Variants in ULK4 observed in about 807,000 individuals in gnomAD.
The protein encoded by ULK4 is unc-51 like kinase 4, also known as inactive serine/threonine-protein kinase ULK4.
In ULK4, 133 loss-of-function variants were observed where a neutral mutation model predicts 160.6. The ratio of observed to expected loss-of-function variants is 0.83; its 90% CI spans 0.72 to 0.96. The LOEUF (loss-of-function observed/expected upper bound fraction) is 0.96. ULK4 is among the 40% of genes least tolerant of loss of function. The pLI, the probability that ULK4 is intolerant of heterozygous loss-of-function variation, is 0.00. For missense variants in ULK4, 1,580 were observed against 1,499.5 expected (o/e 1.05, Z -0.89); for synonymous variants, 534 against 539.8 (o/e 0.99, Z 0.15).
chr3:41,796,713 A>T (rs2040310261), intron 20 of ULK4, among the ~76,000 whole-genome samples: 1 of 152,204 alleles, frequency 6.6e-6, no homozygotes. Flanking sequence ...TAAAATATAA[A>T]TGTCTATGCA....
intron 23 of ULK4, among the ~76,000 whole-genome samples, chr3:41,716,430 G>T (rs1244853769): frequency 1.3e-5 from 2 of 151,974 alleles, no homozygotes. Flanking sequence ...GATAAGTCCG[G>T]TAATAAAGAA....
intron 6 of ULK4, 134 bp downstream of exon 6, chr3:41,919,583 C>T: frequency 1.5e-6 from 1 of 684,154 alleles, no homozygotes; most frequent in Non-Finnish European, 2.5e-6. Flanking sequence ...GACTGGGTGA[C>T]AGTACGAGAC....
intron 34 of ULK4, among the ~76,000 whole-genome samples, chr3:41,449,269 C>T (rs2083373026): frequency 6.6e-6 from 1 of 151,994 alleles, no homozygotes; most frequent in African/African-American, 2.4e-5. Context: ...CACTATGTTG[C>T]CCAGGCTGGT....
Position 41,367,898 on chromosome 3 carries a change from CAT to C in ULK4, c.3678+30179_3678+30180del, listed in dbSNP as rs1399681204. On this transcript the variant is annotated intron_variant, in intron 35 of 36. Transcript: ENST00000301831. Reference sequence around the variant, plus strand: ...GTATGCAGGTATACACATATGCATACATATATGTCATGTGTGTGCCAAGAAAA... The same window carrying C: ...GTATGCAGGTATACACATATGCATACATATGTCATGTGTGTGCCAAGAAAA... 2.0e-5 allele frequency among the ~76,000 whole-genome samples: 3 copies of C among 152,180 alleles called. No individual in the cohort carries two copies. In the East Asian group the frequency reaches 5.8e-4, roughly 29 times the overall value.
At chr3:41,836,044 G>T in intron 17 of ULK4, 73 bp from the exon 18 acceptor site, 2 of 1,029,250 alleles carry the variant, frequency 1.9e-6, no homozygotes, top group Non-Finnish European at 1.5e-6. Flanking sequence ...TATGTAAAAA[G>T]CAGGATACCC....
chr3:41,492,335 T>C (rs1264806505), intron 32 of ULK4, among the ~76,000 whole-genome samples: 1 of 152,122 alleles, frequency 6.6e-6, no homozygotes, highest in African/African-American at 2.4e-5. Flanking sequence ...TGAACTAGTT[T>C]ACAGTCCCGC....
chr3:41,534,630 C>A (rs1009990071), intron 32 of ULK4, among the ~76,000 whole-genome samples: 8 of 151,802 alleles, frequency 5.3e-5, no homozygotes, highest in African/African-American at 1.9e-4. Context: ...ACTGAGGCAA[C>A]AGACACTGAA....
At chr3:41,596,719 T>A (rs1476867961) in intron 31 of ULK4, among the ~76,000 whole-genome samples, 5 of 152,028 alleles carry the variant, frequency 3.3e-5, no homozygotes, top group Non-Finnish European at 5.9e-5. Flanking sequence ...AATGTGTGCA[T>A]GAGGTGTGCG....
intron 22 of ULK4, among the ~76,000 whole-genome samples, chr3:41,724,868 T>C (rs1480882642): frequency 3.3e-5 from 5 of 152,228 alleles, no homozygotes; most frequent in African/African-American, 1.2e-4. Flanking sequence ...CTAATTAGGT[T>C]AAGCATCTTT....
intron 35 of ULK4, among the ~76,000 whole-genome samples, chr3:41,318,746 G>A (rs531223804): frequency 6.6e-6 from 1 of 152,322 alleles, no homozygotes; most frequent in South Asian, 2.1e-4. Context: ...TGTGGTCTGT[G>A]AGGTCAGAGC....
At chr3:41,622,439 G>C (rs1337264278) in intron 30 of ULK4, among the ~76,000 whole-genome samples, 2 of 152,126 alleles carry the variant, frequency 1.3e-5, no homozygotes, top group African/African-American at 4.8e-5. Flanking sequence ...AGGAGTTTGT[G>C]TCCTTTGCAG....
At chr3:41,666,018 A>T (rs1362716843) in intron 29 of ULK4, among the ~76,000 whole-genome samples, 1 of 152,244 alleles carries the variant, frequency 6.6e-6, no homozygotes, top group Non-Finnish European at 1.5e-5. Context: ...AAAGACCAGG[A>T]CAAGCTTCCA....
chr3:41,824,673 C>T (rs146184548), intron 18 of ULK4, among the ~76,000 whole-genome samples: 1 of 152,252 alleles, frequency 6.6e-6, no homozygotes, highest in East Asian at 1.9e-4. Context: ...CCAGGAAGCT[C>T]GAACTGGGTG....
chr3:41,277,633 C>T (rs1220194904), intron 35 of ULK4, among the ~76,000 whole-genome samples: 3 of 152,134 alleles, frequency 2.0e-5, no homozygotes, highest in African/African-American at 7.2e-5. Flanking sequence ...AAGCCCACAG[C>T]TAACATAATA....
At chr3:41,645,557 C>T (rs1267994927) in intron 30 of ULK4, among the ~76,000 whole-genome samples, 3 of 152,054 alleles carry the variant, frequency 2.0e-5, no homozygotes, top group East Asian at 1.9e-4. Flanking sequence ...GTCTGAGAGA[C>T]AGTTTGTTAT....
At chr3:41,926,048 T>C (rs1250361373) in intron 5 of ULK4, among the ~76,000 whole-genome samples, 3 of 151,682 alleles carry the variant, frequency 2.0e-5, no homozygotes, top group African/African-American at 4.8e-5. Flanking sequence ...CTGTGTCTCC[T>C]GATTGGGAGA....
At chr3:41,254,250 A>AACGTATCTTAAC (rs1411267300) in intron 35 of ULK4, among the ~76,000 whole-genome samples, 1 of 152,216 alleles carries the variant, frequency 6.6e-6, no homozygotes, top group Non-Finnish European at 1.5e-5. Flanking sequence ...TGTGTCATAA[A>AACGTATCTTAAC]ACGTATCTTA....
chr3:41,652,362 T>A (rs1348832935), intron 30 of ULK4, among the ~76,000 whole-genome samples: 1 of 152,210 alleles, frequency 6.6e-6, no homozygotes, highest in Non-Finnish European at 1.5e-5. Context: ...TTTTCTACAA[T>A]CCTATCAGAA....
chr3:41,777,280 A>G (rs1432506905), intron 21 of ULK4, among the ~76,000 whole-genome samples: 2 of 87,866 alleles, frequency 2.3e-5, no homozygotes, highest in Non-Finnish European at 4.0e-5. Context: ...CCCCTTTATC[A>G]TTTTTTATTG....
Sources: allele counts gnomAD v4.1 joint callset (sites outside exome capture counted in the v4.1 genomes callset), GRCh38; gene constraint gnomAD v4.1.1; transcripts MANE v1.5; gene names NCBI Gene and HGNC (gene_info 2026-07-23, HGNC 2026-07-21).